The following GRHL2 variants were observed in gnomAD, a reference collection of about 807,000 sequenced individuals.
The protein encoded by GRHL2 is grainyhead-like protein 2 homolog.
GRHL2 carries 21 observed loss-of-function variants against 83.8 expected under a neutral mutation model. The ratio of observed to expected loss-of-function variants is 0.25; its 90% CI spans 0.18 to 0.36. The LOEUF (loss-of-function observed/expected upper bound fraction) is 0.36. GRHL2 is among the 10% of genes least tolerant of loss of function. The probability of loss-of-function intolerance (pLI) is 1.00; values close to 1 mark genes in which losing one functional copy is unlikely to be tolerated. For missense variants in GRHL2, 623 were observed against 781.8 expected (o/e 0.80, Z 2.42); for synonymous variants, 280 against 278.9 (o/e 1.00, Z -0.04).
intron 11 of GRHL2, 60 bp from the exon 12 acceptor site, chr8:101,636,837 G>A (rs919907209): frequency 5.5e-6 from 8 of 1,466,998 alleles, no homozygotes; most frequent in African/African-American, 4.2e-5. Flanking sequence ...TGTACATCAC[G>A]TAATATTTTT....
intron 1 of GRHL2, among the ~76,000 whole-genome samples, chr8:101,516,963 T>A (rs1027564347): frequency 4.6e-5 from 7 of 152,178 alleles, no homozygotes; most frequent in Non-Finnish European, 5.9e-5. Flanking sequence ...CTTGGTTAAA[T>A]GTTCTGGATC....
intron 4 of GRHL2, among the ~76,000 whole-genome samples, chr8:101,564,275 G>T (rs1486824569): frequency 6.6e-6 from 1 of 152,134 alleles, no homozygotes; most frequent in Non-Finnish European, 1.5e-5. Context: ...AAGATTAAGT[G>T]ATTTCAGAGT....
downstream of GRHL2, among the ~76,000 whole-genome samples, chr8:101,672,108 A>C (rs1318664486): frequency 6.6e-6 from 1 of 151,700 alleles, no homozygotes; most frequent in African/African-American, 2.4e-5. Flanking sequence ...TGGGGAAAAA[A>C]CAGAGCAGAA....
In GRHL2 at chr8:101,554,928, C is replaced by A. The variant is rs1586090083; in HGVS notation, c.284+2146C>A. Among the ~76,000 whole-genome samples, 3 of 152,270 alleles carry A rather than the reference C, an allele frequency of 2.0e-5. No individual in the cohort carries two copies. In the East Asian group the frequency reaches 5.8e-4, roughly 29 times the overall value. ...AGCTTCAAAAGCTAAAACTGTTTAA[C>A]AGAGGCATAGTTACACATTTTAGGT... is the stretch of plus-strand genomic sequence containing the variant. On this transcript the variant is annotated intron_variant, in intron 3 of 15. Coordinates refer to ENST00000646743, the MANE Select transcript of GRHL2 (RefSeq NM_024915.4).
intron 1 of GRHL2, among the ~76,000 whole-genome samples, chr8:101,520,559 G>T (rs1265307417): frequency 6.6e-6 from 1 of 152,030 alleles, no homozygotes. Context: ...ATCTTTTAAA[G>T]GTCACAAGAG....
chr8:101,555,192 A>G (rs1327919308), intron 3 of GRHL2, among the ~76,000 whole-genome samples: 1 of 152,202 alleles, frequency 6.6e-6, no homozygotes, highest in Non-Finnish European at 1.5e-5. Context: ...AGCCAATGAG[A>G]CTGTGTGTGT....
intron 1 of GRHL2, among the ~76,000 whole-genome samples, chr8:101,517,732 TTTGCAGTCATTTGATGC>T (rs1810600673): frequency 7.7e-6 from 1 of 130,506 alleles, no homozygotes; most frequent in Non-Finnish European, 1.8e-5. Flanking sequence ...TTCATGTCCG[TTTGCAGTCATTTGATGC>T]AAGCATCACA....
chr8:101,522,029 G>C (rs1041993366), intron 1 of GRHL2, among the ~76,000 whole-genome samples: 3 of 152,172 alleles, frequency 2.0e-5, no homozygotes, highest in African/African-American at 7.2e-5. Flanking sequence ...ACTTTGGTAG[G>C]AAGCTGTTTG....
intron 9 of GRHL2, among the ~76,000 whole-genome samples, chr8:101,621,159 C>G (rs1190411663): frequency 2.0e-5 from 3 of 151,928 alleles, no homozygotes; most frequent in Admixed American, 6.6e-5. Context: ...AAATGACCAA[C>G]AGAAAAGAAA....
intron 1 of GRHL2, among the ~76,000 whole-genome samples, chr8:101,494,105 AC>A: frequency 6.6e-6 from 1 of 151,502 alleles, no homozygotes; most frequent in Non-Finnish European, 1.5e-5. Flanking sequence ...CGTTGCGGCC[AC>A]CCCGAGGGGA....
chr8:101,648,460 CGGGTGCTTGCTG>C (rs1469759693), intron 13 of GRHL2, among the ~76,000 whole-genome samples: 1 of 152,182 alleles, frequency 6.6e-6, no homozygotes, highest in Non-Finnish European at 1.5e-5. Flanking sequence ...TGATCGAGGA[CGGGTGCTTGCTG>C]TGTGCAGGCC....
chr8:101,671,075 T>C (rs1814197764), downstream of GRHL2, among the ~76,000 whole-genome samples: 1 of 152,200 alleles, frequency 6.6e-6, no homozygotes, highest in African/African-American at 2.4e-5. Context: ...AGCTCCGGTC[T>C]ACAGCTCCCA....
chr8:101,583,726 T>G (rs1047995057), intron 7 of GRHL2, among the ~76,000 whole-genome samples: 45 of 152,206 alleles, frequency 3.0e-4, no homozygotes, highest in African/African-American at 1.0e-3. Context: ...TCTCCTCAAA[T>G]AGTGGATAAT....
intron 8 of GRHL2, among the ~76,000 whole-genome samples, chr8:101,602,337 A>C (rs1812534205): frequency 6.6e-6 from 1 of 152,208 alleles, no homozygotes; most frequent in Non-Finnish European, 1.5e-5. Context: ...CATGTTGTGG[A>C]CTTATCTATC....
Position 101,492,703 on chromosome 8 carries a change from C to G in GRHL2, c.-67C>G. The G allele has an allele frequency of 1.4e-6, 2 of 1,437,118 alleles. No individual in the cohort carries two copies. Among genetic ancestry groups the G allele is most frequent in the Non-Finnish European group, 2.0e-6 (2 of 1,018,210 alleles). 89.0% of individuals were successfully genotyped at this position (1,437,118 alleles called of 1,614,324 possible). ...TCTCACACACCTTCACCTGCACAGACTTGAAAGTCCAGTTTCACCAGAGGC... is the reference window on the plus strand; with the variant it reads ...TCTCACACACCTTCACCTGCACAGAGTTGAAAGTCCAGTTTCACCAGAGGC... On this transcript the variant is annotated 5_prime_UTR_variant, in exon 1 of 16. Transcript: ENST00000646743.
intron 1 of GRHL2, among the ~76,000 whole-genome samples, chr8:101,493,687 C>T (rs1212326774): frequency 6.6e-6 from 1 of 152,050 alleles, no homozygotes; most frequent in Non-Finnish European, 1.5e-5. Flanking sequence ...CTGCGTGGGG[C>T]GCGCCGAGCC....
the GRHL2 span, among the ~76,000 whole-genome samples, chr8:101,675,351 C>T: frequency 0.39 from 58,803 of 151,626 alleles, 11,859 homozygotes; most frequent in South Asian, 0.53. Context: ...GATGAGCAAC[C>T]TCAGCAAAGT....
intron 14 of GRHL2, among the ~76,000 whole-genome samples, chr8:101,650,400 G>A (rs1001102235): frequency 6.6e-6 from 1 of 152,074 alleles, no homozygotes; most frequent in Admixed American, 6.5e-5. Context: ...ACCACATTTT[G>A]TATTTCCACT....
At chr8:101,562,707 C>T (rs1369841805) in intron 4 of GRHL2, among the ~76,000 whole-genome samples, 1 of 152,170 alleles carries the variant, frequency 6.6e-6, no homozygotes, top group Non-Finnish European at 1.5e-5. Flanking sequence ...ATTGTTGGTA[C>T]CTTTTCCAAC....
Sources: gnomAD v4.1 joint callset for allele counts (sites outside exome capture counted in the v4.1 genomes callset) on GRCh38, gnomAD v4.1.1 for gene constraint, MANE v1.5 for transcripts, NCBI Gene and HGNC (gene_info 2026-07-23, HGNC 2026-07-21) for gene names.